HSPA12A: variants seen among roughly 807,000 people sequenced by gnomAD.
HSPA12A encodes heat shock protein family A (Hsp70) member 12A.
A neutral mutation model predicts 69.2 loss-of-function variants in HSPA12A; 28 were observed. The observed-to-expected ratio is 0.40, with a 90% CI of 0.30 to 0.55. HSPA12A has a LOEUF of 0.55. Ranked by LOEUF, HSPA12A falls within the 20% of genes least tolerant of loss-of-function variation. The pLI is 0.38. For missense variants in HSPA12A, 686 were observed against 900.7 expected, an observed-to-expected ratio of 0.76 and a Z score of 3.05; for synonymous variants, 345 against 370.5, an observed-to-expected ratio of 0.93 and a Z score of 0.79.
chr10:116,808,966 A>G (rs556680825), intron 2 of HSPA12A, among the ~76,000 whole-genome samples: 3 of 152,282 alleles, frequency 2.0e-5, no homozygotes, highest in Non-Finnish European at 4.4e-5. Context: ...GTGGGAGGCA[A>G]GTCGGGAGGG....
intron 5 of HSPA12A, among the ~76,000 whole-genome samples, chr10:116,696,118 T>C (rs1384417590): frequency 6.6e-6 from 1 of 151,860 alleles, no homozygotes; most frequent in Non-Finnish European, 1.5e-5. Context: ...AAGCAGAGAC[T>C]GGGTCCTCAC....
intron 1 of HSPA12A, among the ~76,000 whole-genome samples, chr10:116,714,356 C>G (rs1458829510): frequency 2.0e-5 from 3 of 152,080 alleles, no homozygotes; most frequent in Non-Finnish European, 4.4e-5. Flanking sequence ...CCTCAGATAC[C>G]CCTTTTGCCA....
At chr10:116,747,637 C>A (rs1714682092) in intron 2 of HSPA12A, among the ~76,000 whole-genome samples, 1 of 152,196 alleles carries the variant, frequency 6.6e-6, no homozygotes, top group Non-Finnish European at 1.5e-5. Context: ...CAGCCCACAG[C>A]CCAGTGCCTG....
At chr10:116,707,405 G>T in intron 1 of HSPA12A, 120 bp from the exon 2 acceptor site, 1 of 764,812 alleles carries the variant, frequency 1.3e-6, no homozygotes, top group Non-Finnish European at 2.2e-6. Context: ...GCCAGCTCAC[G>T]AAATGGGCAA....
chr10:116,679,940 T>C (rs972842852), intron 9 of HSPA12A, among the ~76,000 whole-genome samples, 179 bp from the exon 10 acceptor site: 1 of 152,218 alleles, frequency 6.6e-6, no homozygotes, highest in Non-Finnish European at 1.5e-5. Flanking sequence ...GGAGAAGCTT[T>C]TCCCTACAGA....
At chr10:116,688,653 G>A (rs1344875114) in intron 6 of HSPA12A, among the ~76,000 whole-genome samples, 1 of 152,224 alleles carries the variant, frequency 6.6e-6, no homozygotes, top group Non-Finnish European at 1.5e-5. Flanking sequence ...CCAGTTCGGG[G>A]TGTTATGCTG....
At chr10:116,684,782 C>T (rs1554879278) in intron 6 of HSPA12A, among the ~76,000 whole-genome samples, 1 of 152,240 alleles carries the variant, frequency 6.6e-6, no homozygotes, top group Non-Finnish European at 1.5e-5. Context: ...CTTCCATCTG[C>T]AAACATTTGG....
intron 2 of HSPA12A, among the ~76,000 whole-genome samples, chr10:116,759,488 C>T (rs531413266): frequency 9.3e-4 from 142 of 152,304 alleles, no homozygotes; most frequent in African/African-American, 3.4e-3. Context: ...CAATGACAGG[C>T]AAGGACAATG....
intron 7 of HSPA12A, 155 bp downstream of exon 7, chr10:116,683,636 G>C: frequency 1.6e-6 from 1 of 609,458 alleles, no homozygotes; most frequent in Non-Finnish European, 2.5e-6. Context: ...CCAGGTAGGG[G>C]GGCTGAGCAG....
chr10:116,769,624 C>G (rs1419367078), intron 2 of HSPA12A, among the ~76,000 whole-genome samples: 1 of 152,180 alleles, frequency 6.6e-6, no homozygotes, highest in Non-Finnish European at 1.5e-5. Flanking sequence ...ATCGATTCCC[C>G]GTCTAAGTGC....
intron 2 of HSPA12A, among the ~76,000 whole-genome samples, chr10:116,756,143 TTCC>T (rs1843844782): frequency 2.6e-5 from 4 of 152,140 alleles, no homozygotes; most frequent in Non-Finnish European, 4.4e-5. Context: ...GCTTTGCCAT[TTCC>T]AGGTTTCCCT....
intron 2 of HSPA12A, among the ~76,000 whole-genome samples, chr10:116,811,858 T>C (rs1845194195): frequency 1.3e-5 from 2 of 152,254 alleles, no homozygotes; most frequent in South Asian, 4.1e-4. Context: ...AGGGATTCAG[T>C]GAGGGTCAAG....
chr10:116,788,309 G>C (rs778374261), intron 2 of HSPA12A, among the ~76,000 whole-genome samples: 7 of 152,084 alleles, frequency 4.6e-5, no homozygotes, highest in African/African-American at 9.7e-5. Flanking sequence ...TGTTCCAAAC[G>C]GGAGAAGAAA....
Position 116,742,437 on chromosome 10 carries a change from C to A in HSPA12A, c.33G>T (p.Gly11=). 7.1e-7 allele frequency: 1 copy of A among 1,414,622 alleles called. No individual in the cohort carries two copies. Among genetic ancestry groups the A allele is most frequent in the African/African-American group, 1.5e-5 (1 of 66,640 alleles). 87.6% of individuals were successfully genotyped at this position (1,414,622 alleles called of 1,614,324 possible). The change falls in exon 1 of 12, where the codon GGG becomes GGT. Residue 11 remains glycine, a synonymous_variant. Transcript: ENST00000369209. MADKEAGGSD[G]PRETAPTSAY... ...CCCGCAGCCTGCGCTCACCTCGGGG[C>A]CCGTCGCTGCCGCCGGCCTCCTTGT... is the stretch of plus-strand genomic sequence containing the variant.
Position 116,811,161 on chromosome 10 carries a change from C to T in HSPA12A, c.91+23774G>A, listed in dbSNP as rs1285381120. ...CCATGATAGCAATGGAAGACAGAGGCCACCACTTGGGCAAAGGCTTAAGAG... is the reference window on the plus strand; with the variant it reads ...CCATGATAGCAATGGAAGACAGAGGTCACCACTTGGGCAAAGGCTTAAGAG... On this transcript the variant is annotated intron_variant, in intron 2 of 12. Coordinates refer to the HSPA12A transcript ENST00000635765. Among the ~76,000 whole-genome samples the T allele has an allele frequency of 2.0e-5, 3 of 152,240 alleles. No individual in the cohort carries two copies. In the East Asian group the frequency reaches 5.8e-4, roughly 30 times the overall value.
chr10:116,823,047 C>T (rs1323610654), intron 2 of HSPA12A, among the ~76,000 whole-genome samples: 1 of 152,174 alleles, frequency 6.6e-6, no homozygotes, highest in Non-Finnish European at 1.5e-5. Context: ...CCACAAAAAG[C>T]TTAACTTTGT....
intron 5 of HSPA12A, among the ~76,000 whole-genome samples, chr10:116,696,494 C>T (rs924564857): frequency 6.6e-6 from 1 of 152,190 alleles, no homozygotes; most frequent in Non-Finnish European, 1.5e-5. Context: ...ATTCTTCCTT[C>T]GTCTTGCACC....
intron 2 of HSPA12A, among the ~76,000 whole-genome samples, chr10:116,817,653 G>A (rs766548763): frequency 1.2e-4 from 18 of 152,134 alleles, no homozygotes; most frequent in Middle Eastern, 6.9e-3. Context: ...GGAGAATCGC[G>A]GCCATTGTTA....
At chr10:116,850,723 TGTG>T (rs1371382842), upstream of HSPA12A, among the ~76,000 whole-genome samples, 1 of 151,880 alleles carries the variant, frequency 6.6e-6, no homozygotes, top group African/African-American at 2.4e-5. Context: ...AGGGGAGAGG[TGTG>T]GGGTTTACTG....
Sources: allele counts gnomAD v4.1 joint callset (sites outside exome capture counted in the v4.1 genomes callset), GRCh38; gene constraint gnomAD v4.1.1; transcripts MANE v1.5; gene names NCBI Gene and HGNC (gene_info 2026-07-23, HGNC 2026-07-21).